Variants in VWA3B observed in about 807,000 individuals in gnomAD.
VWA3B encodes the protein von Willebrand factor A domain containing 3B, also known as von Willebrand factor A domain-containing protein 3B.
Under a neutral mutation model 158.3 loss-of-function variants are expected in VWA3B, and 138 were observed. The ratio of observed to expected loss-of-function variants is 0.87; its 90% CI spans 0.76 to 1.00. The LOEUF (loss-of-function observed/expected upper bound fraction) is 1.00, where lower values mean the gene tolerates loss of function less well. Among genes scored for constraint, VWA3B ranks in the 50% least tolerant of loss-of-function variants. VWA3B has a pLI of 0.00. For missense variants in VWA3B, 1,555 were observed against 1,565.1 expected, an observed-to-expected ratio of 0.99 and a Z score of 0.11; for synonymous variants, 596 against 587.3, an observed-to-expected ratio of 1.01 and a Z score of -0.21.
chr2:98,087,723 T>C (rs1440354510), intron 1 of VWA3B, among the ~76,000 whole-genome samples: 1 of 152,196 alleles, frequency 6.6e-6, no homozygotes. Flanking sequence ...GGAGGGAACA[T>C]GGGAACCAGA....
intron 8 of VWA3B, among the ~76,000 whole-genome samples, chr2:98,177,643 C>T (rs1558638253): frequency 6.6e-6 from 1 of 151,594 alleles, no homozygotes; most frequent in African/African-American, 2.4e-5. Flanking sequence ...TTTCTTTCCT[C>T]TATGAAAGTT....
At chr2:98,279,864 G>A (rs1477574202) in intron 22 of VWA3B, among the ~76,000 whole-genome samples, 3 of 152,184 alleles carry the variant, frequency 2.0e-5, no homozygotes, top group Non-Finnish European at 4.4e-5. Flanking sequence ...ACAGAGCAGG[G>A]CAAGGAAGGG....
chr2:98,300,029 T>C (rs747061123), intron 24 of VWA3B, 50 bp from the exon 25 acceptor site: 2 of 1,612,000 alleles, frequency 1.2e-6, no homozygotes, highest in East Asian at 2.2e-5. Context: ...ATGTTAACAT[T>C]GTCTGTACAA....
chr2:98,239,955 T>A (rs1015191856), intron 19 of VWA3B, among the ~76,000 whole-genome samples: 1 of 151,394 alleles, frequency 6.6e-6, no homozygotes, highest in African/African-American at 2.4e-5. Flanking sequence ...TGAAAGCAAA[T>A]GACAAAATGA....
intron 16 of VWA3B, among the ~76,000 whole-genome samples, chr2:98,232,467 A>G (rs1461435782): frequency 1.3e-5 from 2 of 151,850 alleles, no homozygotes; most frequent in Non-Finnish European, 2.9e-5. Context: ...TTTTATGGGT[A>G]GCCTCTTTAA....
intron 22 of VWA3B, among the ~76,000 whole-genome samples, chr2:98,279,769 G>A (rs1259241566): frequency 6.6e-6 from 1 of 152,160 alleles, no homozygotes; most frequent in African/African-American, 2.4e-5. Context: ...GCTTCCTCCT[G>A]CCTTCTGAGC....
chr2:98,126,748 C>G (rs572379444), intron 5 of VWA3B, among the ~76,000 whole-genome samples: 4 of 152,342 alleles, frequency 2.6e-5, no homozygotes, highest in African/African-American at 7.2e-5. Flanking sequence ...GAATCAGGAG[C>G]TGGCGTTGAA....
At chr2:98,292,886 C>A (rs1296709730) in intron 23 of VWA3B, among the ~76,000 whole-genome samples, 2 of 151,902 alleles carry the variant, frequency 1.3e-5, no homozygotes, top group Non-Finnish European at 2.9e-5. Flanking sequence ...ATCGCTTGAA[C>A]CCAGAAGACA....
Position 98,312,604 on chromosome 2 carries a change from T to C in VWA3B, c.*255T>C. 2.4e-6 allele frequency: 1 copy of C among 424,414 alleles called. No homozygotes were observed. The allele number at this position is 424,414 out of a possible 1,614,324, so 26.3% of individuals were successfully genotyped here. ...CCTGCACTCACAAAATTGTATTCCA[T>C]CTTCTGGTAGACGCCCCACCCCCAG... On this transcript the variant is annotated 3_prime_UTR_variant, in exon 28 of 28. Transcript: ENST00000477737.
intron 12 of VWA3B, chr2:98,206,990 T>A (rs1683076327): frequency 4.1e-6 from 2 of 487,622 alleles, no homozygotes; most frequent in Non-Finnish European, 8.2e-6. Flanking sequence ...CATGCCCAGG[T>A]AGCTCTGACT....
At chr2:98,296,569 T>C (rs1367733438) in intron 23 of VWA3B, among the ~76,000 whole-genome samples, 2 of 152,132 alleles carry the variant, frequency 1.3e-5, no homozygotes, top group African/African-American at 4.8e-5. Flanking sequence ...AAGATGAAAA[T>C]CAGCAGCTAT....
At chr2:98,224,291 T>C (rs1046605478) in intron 14 of VWA3B, among the ~76,000 whole-genome samples, 4 of 152,090 alleles carry the variant, frequency 2.6e-5, no homozygotes, top group Admixed American at 1.3e-4. Flanking sequence ...AGCAGAAATA[T>C]GGGGAGATAT....
At chr2:98,265,159 C>A (rs1255885962) in intron 21 of VWA3B, among the ~76,000 whole-genome samples, 14 of 151,134 alleles carry the variant, frequency 9.3e-5, no homozygotes, top group Non-Finnish European at 5.9e-5. Flanking sequence ...CATCATCTAG[C>A]ATTAGGTGTA....
intron 5 of VWA3B, among the ~76,000 whole-genome samples, chr2:98,127,337 A>G (rs1675443234): frequency 6.6e-6 from 1 of 152,142 alleles, no homozygotes; most frequent in Non-Finnish European, 1.5e-5. Flanking sequence ...ACAAGGGAAG[A>G]CACTGAAGTT....
At position 98,236,432 on chromosome 2, in the gene VWA3B, C is replaced by A; in HGVS notation, c.2471C>A (p.Ser824Ter). Residue 824 changes from serine to a stop codon, truncating the protein, a stop_gained, in exon 18 of 28, where the codon TCG becomes TAG. Coordinates refer to ENST00000477737, the MANE Select transcript of VWA3B (RefSeq NM_144992.5). LOFTEE classifies it high-confidence loss of function. ...LLAEEWLDDK[S>*]SEKVTREGSQ... ...GCTGAGGAGTGGCTGGATGACAAATCGTCAGAAAAGGTGACGCGAGAAGGA... is the reference window on the plus strand; with the variant it reads ...GCTGAGGAGTGGCTGGATGACAAATAGTCAGAAAAGGTGACGCGAGAAGGA... 6.2e-7 allele frequency: 1 copy of A among 1,614,112 alleles called. No homozygotes were observed. Among genetic ancestry groups the A allele is most frequent in the Non-Finnish European group, 8.5e-7 (1 of 1,180,018 alleles).
intron 7 of VWA3B, among the ~76,000 whole-genome samples, chr2:98,138,755 C>T (rs1368480311): frequency 6.6e-6 from 1 of 152,190 alleles, no homozygotes; most frequent in Non-Finnish European, 1.5e-5. Flanking sequence ...TCCCAGGGCC[C>T]CAAAAGCTGA....
downstream of VWA3B, among the ~76,000 whole-genome samples, chr2:98,317,498 A>G (rs1190603263): frequency 6.6e-6 from 1 of 152,134 alleles, no homozygotes; most frequent in African/African-American, 2.4e-5. Flanking sequence ...AACATTTACA[A>G]TCTATTCTCT....
Position 98,234,011 on chromosome 2 carries a change from A to G in VWA3B, c.2309-637A>G, listed in dbSNP as rs1048178006. On this transcript the variant is annotated intron_variant, in intron 16 of 27. Coordinates refer to ENST00000477737, the MANE Select transcript of VWA3B (RefSeq NM_144992.5). ...TTTGCCTGTAGAAGGGACACATCAC[A>G]GGGTAGAAAATAACATAAGCAAAGA... 4.6e-5 allele frequency among the ~76,000 whole-genome samples: 7 copies of G among 152,246 alleles called. No individual in the cohort carries two copies. In the East Asian group the frequency reaches 1.2e-3, roughly 25 times the overall value.
chr2:98,168,623 A>G (rs1320532913), intron 8 of VWA3B, among the ~76,000 whole-genome samples: 1 of 152,212 alleles, frequency 6.6e-6, no homozygotes, highest in East Asian at 1.9e-4. Flanking sequence ...TTTAGAGACA[A>G]GAAAGATATT....
Sources: allele counts gnomAD v4.1 joint callset (sites outside exome capture counted in the v4.1 genomes callset), GRCh38; gene constraint gnomAD v4.1.1; transcripts MANE v1.5; gene names NCBI Gene and HGNC (gene_info 2026-07-23, HGNC 2026-07-21).